IQSEC1: variants seen among roughly 807,000 people sequenced by gnomAD.
IQSEC1 encodes the protein IQ motif and Sec7 domain ArfGEF 1, also known as IQ motif and SEC7 domain-containing protein 1.
Under a neutral mutation model 91.0 loss-of-function variants are expected in IQSEC1, and 31 were observed. The observed-to-expected ratio is 0.34, with a 90% CI of 0.26 to 0.46. The LOEUF is 0.46. Ranked by LOEUF, IQSEC1 falls within the 20% of genes least tolerant of loss-of-function variation. IQSEC1 has a pLI of 1.00. For missense variants in IQSEC1, 1,388 were observed against 1,575.6 expected (o/e 0.88, Z 2.02); for synonymous variants, 699 against 662.6 (o/e 1.05, Z -0.84).
At chr3:12,990,491 G>A (rs904247424) in intron 1 of IQSEC1, among the ~76,000 whole-genome samples, 1 of 152,178 alleles carries the variant, frequency 6.6e-6, no homozygotes, top group Non-Finnish European at 1.5e-5. Flanking sequence ...AAGGAATGAC[G>A]CAGGCCAGGG....
chr3:12,976,787 G>C (rs1275186404), intron 1 of IQSEC1, among the ~76,000 whole-genome samples: 1 of 152,128 alleles, frequency 6.6e-6, no homozygotes, highest in Non-Finnish European at 1.5e-5. Context: ...ATGTCTGCTG[G>C]ACAGGTGAAT....
chr3:13,121,662 T>C (rs899689778), intron 2 of IQSEC1, among the ~76,000 whole-genome samples: 2 of 152,098 alleles, frequency 1.3e-5, no homozygotes, highest in African/African-American at 4.8e-5. Flanking sequence ...AGGCCAGCGC[T>C]GGGGGGACAG....
intron 1 of IQSEC1, among the ~76,000 whole-genome samples, chr3:13,184,621 TA>T (rs1693900328): frequency 6.6e-6 from 1 of 152,106 alleles, no homozygotes; most frequent in African/African-American, 2.4e-5. Context: ...GGCCAAGGAA[TA>T]AAAGCCATAC....
intron 2 of IQSEC1, among the ~76,000 whole-genome samples, chr3:13,139,454 C>T (rs1236644247): frequency 6.6e-6 from 1 of 152,216 alleles, no homozygotes; most frequent in African/African-American, 2.4e-5. Flanking sequence ...TGGGTGGACA[C>T]ACTTCCCTCC....
At chr3:13,229,611 A>C (rs1200653845) in intron 1 of IQSEC1, among the ~76,000 whole-genome samples, 1 of 152,226 alleles carries the variant, frequency 6.6e-6, no homozygotes, top group Non-Finnish European at 1.5e-5. Flanking sequence ...GGACTTCGTC[A>C]GGGAAAAGAG....
chr3:13,227,393 A>AAAAG (rs1553576761), intron 1 of IQSEC1, among the ~76,000 whole-genome samples: 2,516 of 140,080 alleles, frequency 0.018, 182 homozygotes, highest in African/African-American at 0.064. Context: ...AAAAAAAAAA[A>AAAAG]AAAGAAAGAA....
intron 1 of IQSEC1, among the ~76,000 whole-genome samples, chr3:13,246,696 G>A (rs1695113920): frequency 6.6e-6 from 1 of 152,194 alleles, no homozygotes; most frequent in South Asian, 2.1e-4. Flanking sequence ...CAGAGGCTTT[G>A]CTAACTGGTA....
Position 12,899,579 on chromosome 3 carries a change from T to C in IQSEC1, c.*1404A>G, listed in dbSNP as rs963402031. The C allele has an allele frequency of 5.4e-6, 8 of 1,471,620 alleles. No homozygotes were observed. The highest frequency in any genetic ancestry group is 4.3e-5 in the African/African-American group (3 of 70,318). The allele number at this position is 1,471,620 out of a possible 1,614,324, so 91.2% of individuals were successfully genotyped here. On this transcript the variant is annotated 3_prime_UTR_variant, in exon 14 of 14. Coordinates refer to ENST00000613206, the MANE Select transcript of IQSEC1 (RefSeq NM_001134382.3). The stretch of plus-strand genomic sequence containing the variant: ...GATGCCCTGGCAGCTCACTGGACCA[T>C]GGGAAGGCAGCGGGGGCTCCGCCGG...
At chr3:13,013,718 G>A (rs1172189097) in intron 1 of IQSEC1, among the ~76,000 whole-genome samples, 1 of 151,562 alleles carries the variant, frequency 6.6e-6, no homozygotes, top group Non-Finnish European at 1.5e-5. Context: ...ACCAAGAAGG[G>A]AAGGGATGGT....
Position 13,245,515 on chromosome 3 carries a change from C to A in IQSEC1, c.272+37196G>T, listed in dbSNP as rs538815480. 1.6e-4 allele frequency among the ~76,000 whole-genome samples: 25 copies of A among 152,298 alleles called. No homozygotes were observed. The South Asian group carries it at 5.2e-3, about 32-fold the overall frequency. On this transcript the variant is annotated intron_variant, in intron 1 of 15. Transcript: ENST00000648114. ...GGCACAGTGGCTCACGCCTGTAATC[C>A]CAGCCCTTTGGAAGGCCAAGGTGGG...
intron 1 of IQSEC1, among the ~76,000 whole-genome samples, chr3:13,167,488 GGGA>G (rs199930709): frequency 0.01 from 1,570 of 152,268 alleles, 14 homozygotes; most frequent in Non-Finnish European, 0.016. Context: ...GCTGCTCCTG[GGGA>G]GGAGAAGTCT....
chr3:13,156,114 C>T (rs1707082323), intron 2 of IQSEC1, among the ~76,000 whole-genome samples: 1 of 151,360 alleles, frequency 6.6e-6, no homozygotes, highest in South Asian at 2.1e-4. Flanking sequence ...CACCTGTAAT[C>T]CCAGCTACTC....
intron 2 of IQSEC1, among the ~76,000 whole-genome samples, chr3:13,115,050 G>A (rs908490183): frequency 6.6e-6 from 1 of 152,290 alleles, no homozygotes; most frequent in African/African-American, 2.4e-5. Flanking sequence ...GGGCTGTGGG[G>A]GCTGGAAGCT....
intron 1 of IQSEC1, among the ~76,000 whole-genome samples, chr3:12,971,586 G>GAA (rs1356549004): frequency 2.0e-5 from 3 of 152,182 alleles, no homozygotes; most frequent in Non-Finnish European, 4.4e-5. Flanking sequence ...AGAAAAATGT[G>GAA]AAGTGTATTT....
At chr3:12,942,079 G>A (rs1454078454) in intron 1 of IQSEC1, among the ~76,000 whole-genome samples, 1 of 152,176 alleles carries the variant, frequency 6.6e-6, no homozygotes, top group East Asian at 1.9e-4. Context: ...TCTGTGAAGT[G>A]CACCATCCTC....
At chr3:12,954,012 G>A (rs1366668376) in intron 1 of IQSEC1, among the ~76,000 whole-genome samples, 1 of 152,236 alleles carries the variant, frequency 6.6e-6, no homozygotes, top group African/African-American at 2.4e-5. Flanking sequence ...TCTCATCAGC[G>A]CGTAGTCGGG....
rs181761285 is a variant in IQSEC1, at chr3:13,174,090, T to C, written c.273-9957A>G. ...TCACTGAGCCAGAGGCCCGGGTTCC[T>C]ACCCGCTTCCCCACAGCAGGCTCTG... On this transcript the variant is annotated intron_variant, in intron 1 of 15. Transcript: ENST00000648114. Among the ~76,000 whole-genome samples the C allele has an allele frequency of 4.8e-3, 725 of 152,278 alleles. 5 individuals carry two copies. Among genetic ancestry groups the C allele is most frequent in the Non-Finnish European group, 7.0e-3 (477 of 68,002 alleles).
chr3:12,935,860 AC>A lies in IQSEC1; in HGVS notation c.1155del (p.Ser386HisfsTer133). On this transcript the variant is annotated frameshift_variant, in exon 3 of 14. Transcript: ENST00000613206. LOFTEE classifies it high-confidence loss of function. The surrounding 1 kb of genome is among the most constrained non-coding windows in gnomAD (Gnocchi z 8.0). Reference protein sequence around the residue: ...SVDLSDRSERGSLKRQSAYER... With the variant: ...SVDLSDRSERXSLKRQSAYER... Reference sequence around the variant, plus strand: ...TCGTAAGCACTCTGCCTCTTGAGTGACCCCCGCTCCGAGCGGTCACTAAGGT... The same window carrying A: ...TCGTAAGCACTCTGCCTCTTGAGTGACCCCGCTCCGAGCGGTCACTAAGGT... 1 of 1,606,882 alleles carries A rather than the reference AC, an allele frequency of 6.2e-7. No individual in the cohort carries two copies.
intron 1 of IQSEC1, among the ~76,000 whole-genome samples, chr3:13,213,712 G>C (rs1360254476): frequency 6.6e-6 from 1 of 152,152 alleles, no homozygotes; most frequent in African/African-American, 2.4e-5. Flanking sequence ...ACCACCACAT[G>C]ACCGGGCCAG....
Sources: allele counts gnomAD v4.1 joint callset (sites outside exome capture counted in the v4.1 genomes callset), GRCh38; gene constraint gnomAD v4.1.1; non-coding constraint Gnocchi (gnomAD v3.1); transcripts MANE v1.5; gene names NCBI Gene and HGNC (gene_info 2026-07-23, HGNC 2026-07-21).